Variants in SRCIN1 observed in about 807,000 individuals in gnomAD.
The protein encoded by SRCIN1 is SRC kinase signaling inhibitor 1.
A neutral mutation model predicts 116.2 loss-of-function variants in SRCIN1; 50 were observed. That is an observed-to-expected ratio of 0.43 (90% CI 0.34 to 0.54). SRCIN1 has a LOEUF of 0.54. Ranked by LOEUF, SRCIN1 falls within the 20% of genes least tolerant of loss-of-function variation. SRCIN1 has a pLI of 0.02. For missense variants in SRCIN1, 1,446 were observed against 1,672.0 expected, an observed-to-expected ratio of 0.86 and a Z score of 2.36; for synonymous variants, 736 against 750.0, an observed-to-expected ratio of 0.98 and a Z score of 0.30.
At chr17:38,598,559 G>A (rs1455500655) in intron 1 of SRCIN1, among the ~76,000 whole-genome samples, 1 of 152,154 alleles carries the variant, frequency 6.6e-6, no homozygotes, top group Non-Finnish European at 1.5e-5. Context: ...CCTGGGTCTG[G>A]GGTCTCCAGC....
chr17:38,605,638 A>G, intron 1 of SRCIN1, 46 bp downstream of exon 1: 1 of 1,358,772 alleles, frequency 7.4e-7, no homozygotes, highest in Non-Finnish European at 9.6e-7. Flanking sequence ...AATACCTTCC[A>G]CTTAAGCATG....
chr17:38,592,441 G>T (rs1422924003), intron 1 of SRCIN1, among the ~76,000 whole-genome samples: 1 of 152,202 alleles, frequency 6.6e-6, no homozygotes, highest in Non-Finnish European at 1.5e-5. Flanking sequence ...CCCGGGACAG[G>T]TACTGAAAGC....
In SRCIN1 at chr17:38,536,032, C is replaced by T. The variant is rs139882087; in HGVS notation, c.3418-2601G>A. On this transcript the variant is annotated intron_variant, in intron 18 of 18. Coordinates refer to ENST00000617146, the MANE Select transcript of SRCIN1 (RefSeq NM_025248.3). ...CTTCTGTATTCAGGCAGGTGATGTG[C>T]CTTCACCCAGTTGAGGTACCCCTTC... 2.3e-3 allele frequency among the ~76,000 whole-genome samples: 348 copies of T among 152,332 alleles called. 4 individuals carry two copies. The highest frequency in any genetic ancestry group is 0.02 in the Admixed American group (302 of 15,298).
chr17:38,583,584 A>C (rs1597925358), intron 1 of SRCIN1, among the ~76,000 whole-genome samples: 2 of 107,202 alleles, frequency 1.9e-5, no homozygotes, highest in Admixed American at 1.4e-4. Flanking sequence ...ACAGAGTTTC[A>C]CTCTATGGCC....
At chr17:38,539,005 T>C (rs938229257) in intron 18 of SRCIN1, among the ~76,000 whole-genome samples, 4 of 152,182 alleles carry the variant, frequency 2.6e-5, no homozygotes, top group Non-Finnish European at 5.9e-5. Context: ...ATGCAACAAA[T>C]GGTAGCCATT....
At chr17:38,587,208 A>G (rs1908161604) in intron 1 of SRCIN1, among the ~76,000 whole-genome samples, 1 of 151,736 alleles carries the variant, frequency 6.6e-6, no homozygotes, top group Non-Finnish European at 1.5e-5. Flanking sequence ...CACCCACCAC[A>G]TCAGGAGTGG....
At chr17:38,555,884 G>A (rs1210967536) in intron 11 of SRCIN1, among the ~76,000 whole-genome samples, 2 of 152,220 alleles carry the variant, frequency 1.3e-5, no homozygotes, top group African/African-American at 2.4e-5. Flanking sequence ...CACTCAGAGG[G>A]GGAAGAGACT....
chr17:38,563,646 C>T lies in SRCIN1; in HGVS notation c.542-125G>A. The T allele has an allele frequency of 7.5e-7, 1 of 1,336,460 alleles. No homozygotes were observed. The highest frequency in any genetic ancestry group is 1.0e-6 in the Non-Finnish European group (1 of 965,256). The allele number at this position is 1,336,460 out of a possible 1,614,324, so 82.8% of individuals were successfully genotyped here. A position where few individuals can be genotyped will look rare whatever the true frequency, so the allele number is the denominator to read the frequency against. The stretch of plus-strand genomic sequence containing the variant: ...GGCAGGGTCTGAGGCTAGACGCCGC[C>T]CCCGAGTGCAGATGCACCCAGGCAC... On this transcript the variant is annotated intron_variant, in intron 4 of 18. Transcript: ENST00000617146. The surrounding 1 kb of genome is among the most constrained non-coding windows in gnomAD (Gnocchi z 5.8).
At chr17:38,549,295 G>C (rs1431362339) in intron 15 of SRCIN1, 85 bp from the exon 16 acceptor site, 9 of 1,336,462 alleles carry the variant, frequency 6.7e-6, no homozygotes, top group Non-Finnish European at 8.8e-6. Flanking sequence ...GATAAACCTT[G>C]CTTCTTCCTC....
At chr17:38,554,641 T>C (rs556926991) in intron 11 of SRCIN1, among the ~76,000 whole-genome samples, 16 of 152,268 alleles carry the variant, frequency 1.1e-4, no homozygotes, top group African/African-American at 3.9e-4. Context: ...GCAAAGACCA[T>C]GTCTTCCAGA....
intron 18 of SRCIN1, among the ~76,000 whole-genome samples, chr17:38,538,388 G>A (rs1904521060): frequency 6.9e-6 from 1 of 144,236 alleles, no homozygotes; most frequent in Admixed American, 6.9e-5. Context: ...CTGCACTCCA[G>A]CCTGGGTGAC....
chr17:38,588,821 T>G (rs1908285311), intron 1 of SRCIN1, among the ~76,000 whole-genome samples: 1 of 152,158 alleles, frequency 6.6e-6, no homozygotes, highest in African/African-American at 2.4e-5. Context: ...ATCAACGGGC[T>G]CATCAATATT....
At chr17:38,588,428 C>T (rs752856577) in intron 1 of SRCIN1, among the ~76,000 whole-genome samples, 5 of 152,232 alleles carry the variant, frequency 3.3e-5, no homozygotes, top group African/African-American at 7.2e-5. Flanking sequence ...CCACTGCTCA[C>T]GCGCCCAGGG....
Position 38,563,541 on chromosome 17 carries a change from C to A in SRCIN1, c.542-20G>T. On this transcript the variant is annotated intron_variant, in intron 4 of 18. Coordinates refer to ENST00000617146, the MANE Select transcript of SRCIN1 (RefSeq NM_025248.3). This position sits in a 1 kb window ranked among gnomAD's most constrained non-coding sequence, Gnocchi z 5.8. ...GCACCCCTGCGAAGGAGACGCCGCC[C>A]TCGCTGTCACTGCTGCCGTCTCCAC... 6.5e-7 allele frequency: 1 copy of A among 1,543,844 alleles called. No individual in the cohort carries two copies.
At chr17:38,556,603 C>G (rs1905820055) in intron 11 of SRCIN1, among the ~76,000 whole-genome samples, 1 of 152,252 alleles carries the variant, frequency 6.6e-6, no homozygotes, top group Non-Finnish European at 1.5e-5. Context: ...CCTGGGAAGG[C>G]TATGGGAGCT....
intron 18 of SRCIN1, among the ~76,000 whole-genome samples, chr17:38,540,576 G>A (rs960673998): frequency 2.6e-5 from 4 of 152,242 alleles, no homozygotes; most frequent in African/African-American, 9.6e-5. Flanking sequence ...GGCTGAGCTA[G>A]TGTGGATCGT....
At chr17:38,570,470 C>T (rs555582831) in intron 2 of SRCIN1, among the ~76,000 whole-genome samples, 25 of 152,340 alleles carry the variant, frequency 1.6e-4, no homozygotes, top group Admixed American at 2.6e-4. Context: ...GAGCCACCTA[C>T]GTACAAAGAG....
chr17:38,565,663 A>G (rs1906636223), intron 3 of SRCIN1, among the ~76,000 whole-genome samples: 1 of 152,144 alleles, frequency 6.6e-6, no homozygotes, highest in African/African-American at 2.4e-5. Flanking sequence ...CTTCATATTA[A>G]CTCAATTTAA....
At chr17:38,582,804 T>C (rs1170920655) in intron 1 of SRCIN1, among the ~76,000 whole-genome samples, 1 of 152,148 alleles carries the variant, frequency 6.6e-6, no homozygotes, top group Non-Finnish European at 1.5e-5. Context: ...CTGTCCTGGC[T>C]TCCTACTTTG....
Sources: gnomAD v4.1 joint callset for allele counts (sites outside exome capture counted in the v4.1 genomes callset) on GRCh38, gnomAD v4.1.1 for gene constraint, Gnocchi (gnomAD v3.1) non-coding constraint, MANE v1.5 for transcripts, NCBI Gene and HGNC (gene_info 2026-07-23, HGNC 2026-07-21) for gene names.